The following MYO18A variants were observed in gnomAD, a reference collection of about 807,000 sequenced individuals.
MYO18A encodes unconventional myosin-XVIIIa.
In MYO18A, 78 loss-of-function variants were observed where a neutral mutation model predicts 235.8. That is an observed-to-expected ratio of 0.33 (90% CI 0.28 to 0.40). The LOEUF (loss-of-function observed/expected upper bound fraction) is 0.40, where lower values mean the gene tolerates loss of function less well. Among genes scored for constraint, MYO18A ranks in the 10% least tolerant of loss-of-function variants. The probability of loss-of-function intolerance (pLI) is 1.00; values close to 1 mark genes in which losing one functional copy is unlikely to be tolerated. For missense variants in MYO18A, 2,215 were observed against 2,699.3 expected (o/e 0.82, Z 3.98); for synonymous variants, 977 against 1,077.8 (o/e 0.91, Z 1.83).
In MYO18A at chr17:29,093,966, C is replaced by T. The variant is rs1732452026; in HGVS notation, c.4821+14G>A. ...GGTGTTTACGCTGGACAGGTAAGTACTCAGATACCTTACCTTCTTCTGACA... is the reference window on the plus strand; with the variant it reads ...GGTGTTTACGCTGGACAGGTAAGTATTCAGATACCTTACCTTCTTCTGACA... On this transcript the variant is annotated intron_variant, in intron 31 of 41. Transcript: ENST00000527372. 2 of 1,571,036 alleles carry T rather than the reference C, an allele frequency of 1.3e-6. No homozygotes were observed. Among genetic ancestry groups the T allele is most frequent in the Admixed American group, 1.7e-5 (1 of 57,550 alleles).
rs764579678 is a variant in MYO18A at position 29,103,601 on chromosome 17, G to A, written c.3505C>T (p.Arg1169Trp). 10 of 1,613,774 alleles carry A rather than the reference G, an allele frequency of 6.2e-6. No homozygotes were observed. Among genetic ancestry groups the A allele is most frequent in the South Asian group, 3.3e-5 (3 of 91,094 alleles). ...TGCCCTCCTGTGGGACAACTCACCC[G>A]GCTCAGGCCCATGCAGCAGCTGCTC... ...EKSSCCMGLSRVFFRAGTLAR... is the reference protein window; with the variant it reads ...EKSSCCMGLSWVFFRAGTLAR... Residue 1169 changes from arginine (R) to tryptophan (W), a missense_variant and splice_region_variant, in exon 21 of 42, where the codon CGG becomes TGG. Physicochemically the swap from Arg to Trp is moderately radical, Grantham distance 101. Transcript: ENST00000527372.
chr17:29,135,157 G>C (rs2067567025), intron 2 of MYO18A, among the ~76,000 whole-genome samples: 1 of 151,384 alleles, frequency 6.6e-6, no homozygotes, highest in African/African-American at 2.4e-5. Flanking sequence ...CTGGAGTACA[G>C]TGGTGCAATC....
At chr17:29,098,549 G>T in intron 23 of MYO18A, 104 bp from the exon 24 acceptor site, 1 of 1,335,530 alleles carries the variant, frequency 7.5e-7, no homozygotes, top group South Asian at 1.2e-5. Flanking sequence ...GCTTGGGCCA[G>T]GACGCCATGG....
intron 2 of MYO18A, chr17:29,129,263 C>T (rs1245634911): frequency 4.3e-6 from 1 of 232,184 alleles, no homozygotes; most frequent in Non-Finnish European, 7.1e-6. Flanking sequence ...CAGGAAGCTT[C>T]CACTTCAGCC....
At chr17:29,077,847 G>A (rs571701115) in intron 41 of MYO18A, 2 of 152,238 alleles carry the variant, frequency 1.3e-5, no homozygotes, top group African/African-American at 2.4e-5. Context: ...CCAGCTTTAG[G>A]CCCATGTCCA....
At position 29,121,826 on chromosome 17, in the gene MYO18A, CA is replaced by C; in HGVS notation, c.1194+24del. 1 of 1,613,302 alleles carries C rather than the reference CA, an allele frequency of 6.2e-7. No individual in the cohort carries two copies. Among genetic ancestry groups the C allele is most frequent in the Non-Finnish European group, 8.5e-7 (1 of 1,179,416 alleles). ...CAGTGCACTCCTGAGCCTCCTCCCC[CA>C]CACCCAGCCCCCTGCCCACCTACCT... On this transcript the variant is annotated intron_variant, in intron 4 of 41. Transcript: ENST00000527372. This position sits in a 1 kb window ranked among gnomAD's most constrained non-coding sequence, Gnocchi z 4.2.
Position 29,126,901 on chromosome 17 carries a change from T to A in MYO18A, c.1000-4648A>T, listed in dbSNP as rs192496618. Among the ~76,000 whole-genome samples the A allele has an allele frequency of 1.3e-5, 2 of 152,216 alleles. No individual in the cohort carries two copies. The highest frequency in any genetic ancestry group is 6.5e-5 in the Admixed American group (1 of 15,296). The stretch of plus-strand genomic sequence containing the variant: ...CTGGGAAGATAGGGTTGCCCCTATA[T>A]CCCAAGGGGCCCACTGTACCCATCT... On this transcript the variant is annotated intron_variant, in intron 2 of 41. Transcript: ENST00000527372. This position sits in a 1 kb window ranked among gnomAD's most constrained non-coding sequence, Gnocchi z 4.1.
intron 26 of MYO18A, 33 bp downstream of exon 26, chr17:29,097,755 G>A (rs1373228605): frequency 5.1e-6 from 8 of 1,577,122 alleles, no homozygotes; most frequent in East Asian, 4.5e-5. Flanking sequence ...CGCATTGCGG[G>A]CCACTGCCGA....
intron 2 of MYO18A, chr17:29,133,946 G>A: frequency 1.0e-6 from 1 of 976,616 alleles, no homozygotes; most frequent in African/African-American, 1.7e-5. Flanking sequence ...AACACTGTGG[G>A]CAACAAGGGG....
chr17:29,170,340 G>A (rs967410839), intron 1 of MYO18A, among the ~76,000 whole-genome samples: 3 of 152,140 alleles, frequency 2.0e-5, no homozygotes, highest in Admixed American at 6.5e-5. Flanking sequence ...CCTGGCTGTG[G>A]ACTGGTTCTC....
At chr17:29,150,423 A>C (rs1428874421) in intron 2 of MYO18A, among the ~76,000 whole-genome samples, 1 of 152,262 alleles carries the variant, frequency 6.6e-6, no homozygotes, top group African/African-American at 2.4e-5. Flanking sequence ...GTGGTGGCAC[A>C]CAGCCAGGGA....
At chr17:29,169,015 C>G (rs972636203) in intron 1 of MYO18A, among the ~76,000 whole-genome samples, 3 of 151,678 alleles carry the variant, frequency 2.0e-5, no homozygotes, top group African/African-American at 7.3e-5. Context: ...ACTAAAAATA[C>G]AAAAACTGGC....
rs898952763 is a variant in MYO18A, at chr17:29,126,936, G to A, written c.1000-4683C>T. 6.6e-6 allele frequency among the ~76,000 whole-genome samples: 1 copy of A among 152,190 alleles called. No individual in the cohort carries two copies. Among genetic ancestry groups the A allele is most frequent in the African/African-American group, 2.4e-5 (1 of 41,434 alleles). On this transcript the variant is annotated intron_variant, in intron 2 of 41. Transcript: ENST00000527372. The surrounding 1 kb of genome is among the most constrained non-coding windows in gnomAD (Gnocchi z 4.1). ...CCCACTGTACCCATCTGCCATCCAA[G>A]CACAGGGCTCCTCAAGAGTCCTGCT...
At chr17:29,168,888 A>C (rs2068338049) in intron 1 of MYO18A, among the ~76,000 whole-genome samples, 1 of 152,178 alleles carries the variant, frequency 6.6e-6, no homozygotes, top group Non-Finnish European at 1.5e-5. Flanking sequence ...ACTTGAGGTC[A>C]GAAGTTCAAG....
intron 2 of MYO18A, among the ~76,000 whole-genome samples, chr17:29,128,728 C>T (rs8074732): frequency 0.99 from 150,483 of 152,294 alleles, 74,437 homozygotes; most frequent in Middle Eastern, 1. Flanking sequence ...AATAGGACAA[C>T]TGCAGCTAAG....
At chr17:29,092,269 T>A (rs935834642) in intron 34 of MYO18A, 74 bp downstream of exon 34, 179 of 1,121,162 alleles carry the variant, frequency 1.6e-4, no homozygotes, top group Non-Finnish European at 1.8e-4. Context: ...CTGTCTAGGG[T>A]GAAGGGAGCC....
chr17:29,102,895 C>T (rs1370574220), intron 21 of MYO18A, among the ~76,000 whole-genome samples: 45 of 152,238 alleles, frequency 3.0e-4, no homozygotes, highest in Admixed American at 2.9e-3. Flanking sequence ...GTCCAGAACC[C>T]TCTCTGGCTC....
At chr17:29,097,694 G>A in intron 26 of MYO18A, 94 bp downstream of exon 26, 1 of 1,078,832 alleles carries the variant, frequency 9.3e-7, no homozygotes, top group Non-Finnish European at 1.4e-6. Context: ...CCATGGAGGG[G>A]AGACAGGCCT....
At chr17:29,097,701 G>A (rs939976450) in intron 26 of MYO18A, 87 bp downstream of exon 26, 59 of 1,157,858 alleles carry the variant, frequency 5.1e-5, no homozygotes, top group Non-Finnish European at 7.2e-5. Flanking sequence ...GGGGAGACAG[G>A]CCTGGACAAG....
Sources: allele counts gnomAD v4.1 joint callset (sites outside exome capture counted in the v4.1 genomes callset), GRCh38; gene constraint gnomAD v4.1.1; non-coding constraint Gnocchi (gnomAD v3.1); transcripts MANE v1.5; gene names NCBI Gene and HGNC (gene_info 2026-07-23, HGNC 2026-07-21).